Variants in SLC9A6 observed in about 807,000 individuals in gnomAD.
SLC9A6 encodes sodium/hydrogen exchanger 6.
In SLC9A6, 6 loss-of-function variants were observed where a neutral mutation model predicts 45.3. That is an observed-to-expected ratio of 0.13 (90% CI 0.07 to 0.26). The LOEUF (loss-of-function observed/expected upper bound fraction) is 0.26, where lower values mean the gene tolerates loss of function less well. Ranked by LOEUF, SLC9A6 falls within the 10% of genes least tolerant of loss-of-function variation. The pLI is 1.00. For missense variants in SLC9A6, 278 were observed against 503.7 expected (o/e 0.55, Z 4.29); for synonymous variants, 191 against 187.7 (o/e 1.02, Z -0.14).
chrX:136,000,247 C>A (rs2089560620), intron 6 of SLC9A6, among the ~76,000 whole-genome samples: 1 of 77,981 alleles, frequency 1.3e-5, no homozygotes, highest in Non-Finnish European at 2.3e-5. Context: ...GGGCGAGACC[C>A]TGTCTCCAAA....
chrX:136,013,550 C>T (rs2070963465), intron 10 of SLC9A6, 113 bp downstream of exon 10: 1 of 517,311 alleles, frequency 1.9e-6, no homozygotes, highest in South Asian at 3.0e-5. Flanking sequence ...GCTATCTACT[C>T]ATTTTGGCTC....
intron 1 of SLC9A6, among the ~76,000 whole-genome samples, chrX:135,976,913 G>A (rs1468729176): frequency 8.9e-6 from 1 of 111,775 alleles, no homozygotes; most frequent in African/African-American, 3.3e-5. Context: ...AACTAGCCTC[G>A]TTTCACATTT....
intron 17 of SLC9A6, among the ~76,000 whole-genome samples, chrX:136,042,690 G>A (rs2071535116): frequency 9.0e-6 from 1 of 110,935 alleles, no homozygotes; most frequent in Non-Finnish European, 1.9e-5. Context: ...GTGTATATAT[G>A]GCTTTGTTAT....
At chrX:135,996,761 TTTTG>T (rs781998413) in intron 3 of SLC9A6, among the ~76,000 whole-genome samples, 208 of 111,072 alleles carry the variant, frequency 1.9e-3, no homozygotes, top group African/African-American at 3.9e-3. Flanking sequence ...TTTTGTTTTT[TTTTG>T]TTTGTTTGTT....
At chrX:135,987,193 G>A (rs1164210774) in intron 2 of SLC9A6, among the ~76,000 whole-genome samples, 1 of 112,023 alleles carries the variant, frequency 8.9e-6, no homozygotes, top group African/African-American at 3.2e-5. Flanking sequence ...AGACATATTA[G>A]ATGGTTTTTA....
chrX:136,023,064 G>T (rs2071157053), intron 12 of SLC9A6, among the ~76,000 whole-genome samples: 1 of 102,010 alleles, frequency 9.8e-6, no homozygotes, highest in African/African-American at 3.6e-5. Flanking sequence ...ACCCACCTTG[G>T]CCTTTCAAAG....
chrX:135,975,831 G>A (rs1556613263), intron 1 of SLC9A6, among the ~76,000 whole-genome samples: 1 of 110,625 alleles, frequency 9.0e-6, no homozygotes. Flanking sequence ...CATCTCATTA[G>A]CTGGGCATAG....
intron 16 of SLC9A6, among the ~76,000 whole-genome samples, 176 bp downstream of exon 16, chrX:136,033,669 C>A (rs2148202108): frequency 9.1e-6 from 1 of 109,501 alleles, no homozygotes; most frequent in African/African-American, 3.3e-5. Context: ...GATTCCTCTT[C>A]AAACCCATGA....
Position 136,026,540 on chromosome X carries a change from C to CT in SLC9A6, c.1460+2070dup, listed in dbSNP as rs1376477816. 2.7e-3 allele frequency among the ~76,000 whole-genome samples: 275 copies of CT among 102,455 alleles called. 1 individual carries two copies. The highest frequency in any genetic ancestry group is 0.01 in the Middle Eastern group (2 of 198). The allele number at this position is 102,455 out of a possible 115,157, so 89.0% of individuals were successfully genotyped here. On this transcript the variant is annotated intron_variant, in intron 13 of 17. Coordinates refer to ENST00000630721, the MANE Select transcript of SLC9A6 (RefSeq NM_001379110.1). ...CACTGTAGGTTACAACTCAGTGGTT[C>CT]TTTTTTTTTTTTTGAGACAGAGTCT...
At chrX:135,988,683 C>G (rs185462866) in intron 2 of SLC9A6, among the ~76,000 whole-genome samples, 1 of 109,796 alleles carries the variant, frequency 9.1e-6, no homozygotes, top group East Asian at 2.8e-4. Context: ...ACTGCAGCCT[C>G]AACCTCCTGG....
At chrX:136,023,201 A>AGTG in intron 12 of SLC9A6, among the ~76,000 whole-genome samples, 1 of 49,367 alleles carries the variant, frequency 2.0e-5, no homozygotes, top group Non-Finnish European at 3.6e-5. Context: ...ATATATATAT[A>AGTG]TATATATATA....
intron 10 of SLC9A6, among the ~76,000 whole-genome samples, chrX:136,015,453 A>G (rs2071001277): frequency 9.0e-6 from 1 of 111,288 alleles, no homozygotes; most frequent in African/African-American, 3.3e-5. Context: ...TCCTGGTTCT[A>G]CTACTTGCTG....
chrX:136,042,177 A>AT (rs782747805), intron 17 of SLC9A6, among the ~76,000 whole-genome samples: 144 of 98,746 alleles, frequency 1.5e-3, no homozygotes, highest in Non-Finnish European at 1.4e-3. Flanking sequence ...ATCACACTTA[A>AT]TTTTTTTTTT....
chrX:135,996,113 C>G (rs2089493728), intron 3 of SLC9A6, among the ~76,000 whole-genome samples: 1 of 102,832 alleles, frequency 9.7e-6, no homozygotes, highest in Admixed American at 1.1e-4. Flanking sequence ...CTCTCTGCAA[C>G]CCCCGCCTCC....
chrX:136,022,543 T>C (rs2071145116), intron 11 of SLC9A6, 43 bp from the exon 12 acceptor site: 1 of 846,965 alleles, frequency 1.2e-6, no homozygotes, highest in Non-Finnish European at 1.7e-6. Flanking sequence ...TAAATAATAT[T>C]AATAGTAAAA....
chrX:136,038,776 G>T (rs2071455932), intron 16 of SLC9A6, among the ~76,000 whole-genome samples: 1 of 100,558 alleles, frequency 9.9e-6, no homozygotes, highest in African/African-American at 3.7e-5. Context: ...GTCATCATCT[G>T]GCGAGTTTTT....
intron 10 of SLC9A6, among the ~76,000 whole-genome samples, chrX:136,014,934 G>A (rs1244278849): frequency 1.8e-5 from 2 of 112,831 alleles, no homozygotes; most frequent in Non-Finnish European, 3.7e-5. Flanking sequence ...AGGGGAAATG[G>A]TTTGAGGCTT....
chrX:136,022,529 A>G (rs1166687368), intron 11 of SLC9A6, 57 bp from the exon 12 acceptor site: 15 of 730,496 alleles, frequency 2.1e-5, no homozygotes, highest in Non-Finnish European at 2.9e-5. Context: ...TTGAGTGTAT[A>G]GTCTAAATAA....
At chrX:135,980,988 A>G (rs1393840951), upstream of SLC9A6, among the ~76,000 whole-genome samples, 1 of 112,248 alleles carries the variant, frequency 8.9e-6, no homozygotes, top group Non-Finnish European at 1.9e-5. Flanking sequence ...CTGTTGAATG[A>G]CAAACTTGTC....
Sources: allele counts gnomAD v4.1 joint callset (sites outside exome capture counted in the v4.1 genomes callset), GRCh38; gene constraint gnomAD v4.1.1; transcripts MANE v1.5; gene names NCBI Gene and HGNC (gene_info 2026-07-23, HGNC 2026-07-21).